Variants in NFS1 observed in about 807,000 individuals in gnomAD.
NFS1 encodes cysteine desulfurase.
NFS1 carries 26 observed loss-of-function variants against 57.3 expected under a neutral mutation model. The observed-to-expected ratio is 0.45, with a 90% CI of 0.33 to 0.63. The LOEUF (loss-of-function observed/expected upper bound fraction) is 0.63. Ranked by LOEUF, NFS1 falls within the 20% of genes least tolerant of loss-of-function variation. NFS1 has a pLI of 0.02. For missense variants in NFS1, 505 were observed against 605.8 expected (o/e 0.83, Z 1.75); for synonymous variants, 209 against 216.3 (o/e 0.97, Z 0.30).
intron 7 of NFS1, among the ~76,000 whole-genome samples, chr20:35,679,237 G>A (rs1282558917): frequency 6.6e-6 from 1 of 152,158 alleles, no homozygotes; most frequent in South Asian, 2.1e-4. Flanking sequence ...TGTCGCCCAG[G>A]CAGTGGTGTG....
chr20:35,674,380 G>A lies in NFS1; in HGVS notation c.1106C>T (p.Ala369Val). 1 of 1,614,002 alleles carries A rather than the reference G, an allele frequency of 6.2e-7. No individual in the cohort carries two copies. The highest frequency in any genetic ancestry group is 1.3e-5 in the African/African-American group (1 of 75,018). Residue 369 changes from alanine to valine, a missense_variant, in exon 10 of 13, where the codon GCA becomes GTA. Transcript: ENST00000374092. ...TGAGGATAAGGCAACGTCCTTCAGT[G>A]CCATCAGCAGACTTTCCCCTTCCAC... ...AYVEGESLLM[A>V]LKDVALSSGS...
intron 4 of NFS1, among the ~76,000 whole-genome samples, chr20:35,690,808 G>C (rs1469451162): frequency 1.3e-5 from 2 of 152,120 alleles, no homozygotes; most frequent in East Asian, 3.8e-4. Context: ...TAAGTCCCAG[G>C]GGTCTCAAGC....
intron 10 of NFS1, 84 bp downstream of exon 10, chr20:35,674,266 C>T: frequency 2.8e-6 from 3 of 1,085,292 alleles, no homozygotes. Flanking sequence ...TTGTGCCTAT[C>T]ATCTCCACAC....
intron 5 of NFS1, among the ~76,000 whole-genome samples, chr20:35,689,275 G>T (rs1193137885): frequency 6.6e-6 from 1 of 151,670 alleles, no homozygotes; most frequent in African/African-American, 2.4e-5. Context: ...ATCACCTGAG[G>T]TCAAAAGGTC....
At chr20:35,696,593 C>G in intron 3 of NFS1, 133 bp from the exon 4 acceptor site, 1 of 630,524 alleles carries the variant, frequency 1.6e-6, no homozygotes, top group Non-Finnish European at 2.8e-6. Flanking sequence ...TGAAGGTCTG[C>G]ACCTACAAGA....
chr20:35,690,982 T>C (rs1196973634), intron 4 of NFS1, among the ~76,000 whole-genome samples: 1 of 152,178 alleles, frequency 6.6e-6, no homozygotes, highest in African/African-American at 2.4e-5. Context: ...GATGTATCAA[T>C]ATCAGGTCAT....
At chr20:35,679,841 T>C (rs1407579089) in intron 7 of NFS1, among the ~76,000 whole-genome samples, 3 of 152,196 alleles carry the variant, frequency 2.0e-5, no homozygotes, top group Non-Finnish European at 4.4e-5. Context: ...TTATATTTTA[T>C]ATTTATATTT....
At chr20:35,672,677 G>A (rs1016307834) in intron 12 of NFS1, 78 bp downstream of exon 12, 1 of 1,036,730 alleles carries the variant, frequency 9.6e-7, no homozygotes, top group African/African-American at 1.6e-5. Context: ...TTTTGGCAGT[G>A]TAAACACATA....
chr20:35,688,576 A>C (rs2034985771), intron 5 of NFS1, among the ~76,000 whole-genome samples: 1 of 152,010 alleles, frequency 6.6e-6, no homozygotes, highest in Non-Finnish European at 1.5e-5. Flanking sequence ...AACAAAAATA[A>C]AAATTTAGCC....
intron 5 of NFS1, among the ~76,000 whole-genome samples, chr20:35,688,400 C>CA (rs2034981835): frequency 6.6e-6 from 1 of 151,806 alleles, no homozygotes. Context: ...ACTAAAAATA[C>CA]AAAAAAATTA....
At chr20:35,671,653 G>A (rs975869748) in intron 12 of NFS1, among the ~76,000 whole-genome samples, 1 of 151,952 alleles carries the variant, frequency 6.6e-6, no homozygotes, top group African/African-American at 2.4e-5. Context: ...ACTTTGGGAG[G>A]CCAAGACAGG....
At chr20:35,686,146 G>C (rs980703492) in intron 5 of NFS1, among the ~76,000 whole-genome samples, 2 of 151,492 alleles carry the variant, frequency 1.3e-5, no homozygotes, top group African/African-American at 4.8e-5. Flanking sequence ...GGCCAGGCTG[G>C]TCTTGAACTT....
At chr20:35,678,192 C>CAAA (rs536417063) in intron 7 of NFS1, among the ~76,000 whole-genome samples, 13 of 135,190 alleles carry the variant, frequency 9.6e-5, no homozygotes, top group African/African-American at 3.5e-4. Context: ...TACAAAAATA[C>CAAA]AAAAAAAAAA....
chr20:35,694,941 TAC>T (rs1366203912), intron 4 of NFS1: 1 of 152,228 alleles, frequency 6.6e-6, no homozygotes, highest in Non-Finnish European at 1.5e-5. Context: ...TTCAAAATGT[TAC>T]AGTTGTTTAT....
intron 7 of NFS1, among the ~76,000 whole-genome samples, chr20:35,678,184 C>CT (rs2034787174): frequency 6.8e-6 from 1 of 146,238 alleles, no homozygotes; most frequent in Non-Finnish European, 1.5e-5. Context: ...CCCGTCTCTA[C>CT]AAAAATACAA....
rs2035024170 is a variant in NFS1, at chr20:35,690,499, C to A, written c.475G>T (p.Val159Phe). 2 of 1,614,094 alleles carry A rather than the reference C, an allele frequency of 1.2e-6. No individual in the cohort carries two copies. Among genetic ancestry groups the A allele is most frequent in the South Asian group, 1.1e-5 (1 of 91,080 alleles). The stretch of plus-strand genomic sequence containing the variant: ...TCCAGTGAACGGCAGGAGTCCAAGA[C>A]ACATTTGTGTTCTGTCTGGGTGGTG... Reference protein sequence around the residue: ...LITTQTEHKCVLDSCRSLEAE... With the variant: ...LITTQTEHKCFLDSCRSLEAE... The change falls in exon 5 of 13, where the codon GTC (valine) becomes TTC (phenylalanine). Residue 159 changes from valine (V) to phenylalanine (F), a missense_variant. Transcript: ENST00000374092.
intron 11 of NFS1, among the ~76,000 whole-genome samples, 198 bp downstream of exon 11, chr20:35,673,403 T>C (rs765814005): frequency 7.2e-5 from 11 of 152,194 alleles, no homozygotes; most frequent in Middle Eastern, 3.4e-3. Context: ...GACTCAGATA[T>C]CATATTTCAC....
At chr20:35,669,872 A>C (rs574969292) in intron 12 of NFS1, among the ~76,000 whole-genome samples, 187 bp from the exon 13 acceptor site, 1 of 152,276 alleles carries the variant, frequency 6.6e-6, no homozygotes, top group South Asian at 2.1e-4. Flanking sequence ...AGTCCTTGTC[A>C]GCTCTCCTGA....
Position 35,697,736 on chromosome 20 carries a change from C to T in NFS1, c.272G>A (p.Arg91Gln), listed in dbSNP as rs772983645. ...ACTCTCCCAGCCATAAGCATGTGTC[C>T]GGGAGTGTGGGTTCCCATAGTAGTT... Reference protein sequence around the residue: ...LINYYGNPHSRTHAYGWESEA... With the variant: ...LINYYGNPHSQTHAYGWESEA... Residue 91 changes from arginine (R) to glutamine (Q), a missense_variant, in exon 3 of 13, where the codon CGG (arginine) becomes CAG (glutamine). Coordinates refer to ENST00000374092, the MANE Select transcript of NFS1 (RefSeq NM_021100.5). 27 of 1,613,842 alleles carry T rather than the reference C, an allele frequency of 1.7e-5. No individual in the cohort carries two copies. The highest frequency in any genetic ancestry group is 6.7e-5 in the Admixed American group (4 of 59,974).
Sources: allele counts gnomAD v4.1 joint callset (sites outside exome capture counted in the v4.1 genomes callset), GRCh38; gene constraint gnomAD v4.1.1; transcripts MANE v1.5; gene names NCBI Gene and HGNC (gene_info 2026-07-23, HGNC 2026-07-21).